Variants in SLC1A4 observed in about 807,000 individuals in gnomAD.
SLC1A4 encodes the protein neutral amino acid transporter A.
SLC1A4 carries 19 observed loss-of-function variants against 37.7 expected under a neutral mutation model. The observed-to-expected ratio is 0.50, with a 90% CI of 0.35 to 0.74. SLC1A4 has a LOEUF of 0.74. Ranked by LOEUF, SLC1A4 falls within the 30% of genes least tolerant of loss-of-function variation. The pLI is 0.01. For synonymous variants in SLC1A4, 299 were observed against 309.8 expected, an observed-to-expected ratio of 0.97 and a Z score of 0.37; for missense variants, 570 against 712.9, an observed-to-expected ratio of 0.80 and a Z score of 2.28.
chr2:65,012,148 G>A (rs1399866147), intron 4 of SLC1A4, among the ~76,000 whole-genome samples: 1 of 150,384 alleles, frequency 6.6e-6, no homozygotes, highest in African/African-American at 2.5e-5. Context: ...GGAGTGCAGT[G>A]GTGCAATCTC....
At chr2:64,999,119 A>G (rs2103642372) in intron 1 of SLC1A4, among the ~76,000 whole-genome samples, 1 of 152,354 alleles carries the variant, frequency 6.6e-6, no homozygotes, top group African/African-American at 2.4e-5. Context: ...AAATAATAAC[A>G]AATGTAAGTT....
chr2:65,002,457 G>T (rs1180919473), intron 2 of SLC1A4, among the ~76,000 whole-genome samples: 3 of 150,316 alleles, frequency 2.0e-5, no homozygotes, highest in African/African-American at 7.4e-5. Flanking sequence ...GTATTCCATT[G>T]TAAGAGTATA....
At chr2:65,020,037 G>T (rs1174179932) in intron 7 of SLC1A4, among the ~76,000 whole-genome samples, 2 of 152,204 alleles carry the variant, frequency 1.3e-5, no homozygotes, top group African/African-American at 2.4e-5. Context: ...ACAGGGGAAT[G>T]GTATTGGCTA....
intron 5 of SLC1A4, 50 bp downstream of exon 5, chr2:65,016,723 A>T (rs1290571864): frequency 1.6e-6 from 2 of 1,254,792 alleles, no homozygotes; most frequent in Admixed American, 3.4e-5. Context: ...TTAACATGGA[A>T]CCAGGTGAGC....
upstream of SLC1A4, among the ~76,000 whole-genome samples, chr2:64,989,103 C>T (rs1208564369): frequency 6.6e-6 from 1 of 152,064 alleles, no homozygotes; most frequent in African/African-American, 2.4e-5. Context: ...CGCGGTCGCC[C>T]GGAGCCGGCC....
intron 3 of SLC1A4, among the ~76,000 whole-genome samples, chr2:65,005,711 T>G (rs903325713): frequency 6.6e-6 from 1 of 152,370 alleles, no homozygotes; most frequent in African/African-American, 2.4e-5. Flanking sequence ...AACTAATTGT[T>G]GCCCAGGTGC....
At position 64,989,990 on chromosome 2, in the gene SLC1A4, T is replaced by C. The variant is rs1672988927; in HGVS notation, c.347T>C (p.Ile116Thr). ...AGCTGCCTCGGGCGTCTGGGCGGCATCGCTGTCGCCTACTTTGGCCTCACC... is the reference window on the plus strand; with the variant it reads ...AGCTGCCTCGGGCGTCTGGGCGGCACCGCTGTCGCCTACTTTGGCCTCACC... ...DASCLGRLGG[I>T]AVAYFGLTTL... The change falls in exon 1 of 8, where the codon ATC (isoleucine) becomes ACC (threonine). Residue 116 changes from isoleucine to threonine, a missense_variant. Coordinates refer to ENST00000234256, the MANE Select transcript of SLC1A4 (RefSeq NM_003038.5). 6.3e-7 allele frequency: 1 copy of C among 1,590,254 alleles called. No individual in the cohort carries two copies. The highest frequency in any genetic ancestry group is 8.6e-7 in the Non-Finnish European group (1 of 1,168,244).
At position 65,016,557 on chromosome 2, in the gene SLC1A4, T is replaced by G; in HGVS notation, c.918T>G (p.Val306=). Residue 306 remains valine (V), a synonymous_variant, in exon 5 of 8, where the codon GTT becomes GTG. Coordinates refer to ENST00000234256, the MANE Select transcript of SLC1A4 (RefSeq NM_003038.5). ...TCTTCGCATCTATATTGGGCCATGT[T>G]ATTCATGGAGGAATTGTTCTGCCAC... is the stretch of plus-strand genomic sequence containing the variant. ...KYIFASILGH[V]IHGGIVLPLI... The G allele has an allele frequency of 6.2e-7, 1 of 1,614,106 alleles. No homozygotes were observed. The highest frequency in any genetic ancestry group is 8.5e-7 in the Non-Finnish European group (1 of 1,179,908).
At chr2:65,004,110 G>A in intron 3 of SLC1A4, 95 bp downstream of exon 3, 2 of 1,109,382 alleles carry the variant, frequency 1.8e-6, no homozygotes, top group Non-Finnish European at 2.7e-6. Context: ...TGAAAACTTT[G>A]AGGTTTGAAT....
In SLC1A4 at chr2:64,989,997, C is replaced by T. The variant is rs371427360; in HGVS notation, c.354C>T (p.Val118=). Residue 118 remains valine (V), a synonymous_variant, in exon 1 of 8, where the codon GTC becomes GTT. Transcript: ENST00000234256. ...SCLGRLGGIA[V]AYFGLTTLSA... is the part of the protein sequence containing the mutation. The stretch of plus-strand genomic sequence containing the variant: ...TCGGGCGTCTGGGCGGCATCGCTGT[C>T]GCCTACTTTGGCCTCACCACACTGA... 12 of 1,593,800 alleles carry T rather than the reference C, an allele frequency of 7.5e-6. No individual in the cohort carries two copies. Among genetic ancestry groups the T allele is most frequent in the East Asian group, 6.8e-5 (3 of 43,874 alleles).
intron 1 of SLC1A4, among the ~76,000 whole-genome samples, chr2:64,996,058 GTTCA>G (rs766368517): frequency 6.6e-6 from 1 of 152,148 alleles, no homozygotes; most frequent in African/African-American, 2.4e-5. Context: ...GGAAAAGCTT[GTTCA>G]TTCATTATCT....
chr2:64,994,991 G>A (rs1673197962), intron 1 of SLC1A4: 1 of 152,196 alleles, frequency 6.6e-6, no homozygotes, highest in South Asian at 2.1e-4. Flanking sequence ...TAGGCAAGAT[G>A]AAGACAGCAC....
At chr2:65,015,269 G>C (rs142332692) in intron 4 of SLC1A4, among the ~76,000 whole-genome samples, 59 of 152,166 alleles carry the variant, frequency 3.9e-4, no homozygotes, top group African/African-American at 1.3e-3. Flanking sequence ...ACAAGAATGT[G>C]AATGAACTTC....
rs149904187 is a variant in SLC1A4 at position 64,994,498 on chromosome 2, T to C, written c.527+4328T>C. Among the ~76,000 whole-genome samples the C allele has an allele frequency of 4.5e-3, 692 of 152,374 alleles. 5 individuals carry two copies. The highest frequency in any genetic ancestry group is 7.1e-3 in the Non-Finnish European group (486 of 68,042). Reference sequence around the variant, plus strand: ...TAGTAGGGTGTGGCCATGTATATGGTAAATACAATTAGGATTTTGTCTGTT... The same window carrying C: ...TAGTAGGGTGTGGCCATGTATATGGCAAATACAATTAGGATTTTGTCTGTT... On this transcript the variant is annotated intron_variant, in intron 1 of 7. Coordinates refer to ENST00000234256, the MANE Select transcript of SLC1A4 (RefSeq NM_003038.5).
intron 1 of SLC1A4, among the ~76,000 whole-genome samples, chr2:64,992,095 T>G (rs781182766): frequency 1.3e-5 from 2 of 152,224 alleles, no homozygotes; most frequent in Non-Finnish European, 2.9e-5. Flanking sequence ...GCCTATTACC[T>G]GTAGGAGGTC....
At chr2:65,008,296 C>T (rs1009885440) in intron 3 of SLC1A4, among the ~76,000 whole-genome samples, 3 of 152,174 alleles carry the variant, frequency 2.0e-5, no homozygotes, top group Admixed American at 2.0e-4. Context: ...CAGCTATACC[C>T]ACCGCACCCA....
intron 1 of SLC1A4, among the ~76,000 whole-genome samples, chr2:64,993,671 G>T (rs532012515): frequency 2.6e-4 from 39 of 152,306 alleles, no homozygotes; most frequent in South Asian, 1.0e-3. Context: ...ACAGAAACAG[G>T]TTATCAGGAA....
intron 3 of SLC1A4, among the ~76,000 whole-genome samples, chr2:65,007,916 T>C (rs1359442061): frequency 6.6e-6 from 1 of 152,210 alleles, no homozygotes; most frequent in Non-Finnish European, 1.5e-5. Context: ...TATCAAACAC[T>C]AAGTGTATTT....
chr2:65,011,405 T>A (rs930519603), intron 4 of SLC1A4: 1 of 151,984 alleles, frequency 6.6e-6, no homozygotes, highest in African/African-American at 2.4e-5. Flanking sequence ...AAGCTGGGAT[T>A]ACAGGCGTCC....
Sources: allele counts gnomAD v4.1 joint callset (sites outside exome capture counted in the v4.1 genomes callset), GRCh38; gene constraint gnomAD v4.1.1; transcripts MANE v1.5; gene names NCBI Gene and HGNC (gene_info 2026-07-23, HGNC 2026-07-21).